Variants in KIF11 observed in about 807,000 individuals in gnomAD.
The protein encoded by KIF11 is kinesin-like protein KIF11.
In KIF11, 9 loss-of-function variants were observed where a neutral mutation model predicts 121.0. That is an observed-to-expected ratio of 0.07 (90% confidence interval 0.04 to 0.13). The LOEUF (loss-of-function observed/expected upper bound fraction) is 0.13, where lower values mean the gene tolerates loss of function less well. KIF11 is among the 10% of genes least tolerant of loss of function. The pLI is 1.00. For missense variants in KIF11, 846 were observed against 1,217.5 expected (o/e 0.69, Z 4.54); for synonymous variants, 408 against 421.0 (o/e 0.97, Z 0.38).
intron 16 of KIF11, among the ~76,000 whole-genome samples, chr10:92,638,761 A>G (rs900862388): frequency 6.6e-6 from 1 of 152,218 alleles, no homozygotes; most frequent in African/African-American, 2.4e-5. Context: ...TTAGCATTCA[A>G]ATTATTAATC....
intron 10 of KIF11, among the ~76,000 whole-genome samples, chr10:92,627,297 AACTG>A (rs1194188372): frequency 1.3e-5 from 2 of 152,220 alleles, no homozygotes; most frequent in Non-Finnish European, 2.9e-5. Flanking sequence ...TCATTTCTGA[AACTG>A]ACTAATACTC....
At position 92,632,593 on chromosome 10, in the gene KIF11, T is replaced by C; in HGVS notation, c.1602T>C (p.Phe534=). The C allele has an allele frequency of 6.2e-7, 1 of 1,613,756 alleles. No individual in the cohort carries two copies. The highest frequency in any genetic ancestry group is 8.5e-7 in the Non-Finnish European group (1 of 1,179,652). The change falls in exon 13 of 22, where the codon TTT becomes TTC. Residue 534 remains phenylalanine (F), a synonymous_variant. Coordinates refer to ENST00000260731, the MANE Select transcript of KIF11 (RefSeq NM_004523.4). The stretch of plus-strand genomic sequence containing the variant: ...ACAATGCAGAAGCTCAGGATATTTT[T>C]GGCAAAAACCTGAATAGTCTGTTTA... ...DQHNAEAQDI[F]GKNLNSLFNN... is the part of the protein sequence containing the mutation.
At chr10:92,642,143 T>C (rs534139473) in intron 17 of KIF11, among the ~76,000 whole-genome samples, 9 of 152,284 alleles carry the variant, frequency 5.9e-5, no homozygotes, top group African/African-American at 2.2e-4. Context: ...TTGCCATCTA[T>C]TGATTGTCTT....
intron 18 of KIF11, among the ~76,000 whole-genome samples, chr10:92,646,548 G>A (rs1159364402): frequency 6.6e-6 from 1 of 152,140 alleles, no homozygotes; most frequent in East Asian, 1.9e-4. Flanking sequence ...GATAGGAAAT[G>A]TATAATATAT....
At chr10:92,611,984 T>C (rs1449224307) in intron 6 of KIF11, among the ~76,000 whole-genome samples, 1 of 152,156 alleles carries the variant, frequency 6.6e-6, no homozygotes, top group Non-Finnish European at 1.5e-5. Context: ...CTCTGTCAAT[T>C]GTCAGTGATA....
At chr10:92,638,487 T>G (rs1029812732) in intron 16 of KIF11, among the ~76,000 whole-genome samples, 1 of 152,196 alleles carries the variant, frequency 6.6e-6, no homozygotes, top group South Asian at 2.1e-4. Flanking sequence ...ACTTTTTAGG[T>G]GTATATTCTA....
intron 1 of KIF11, among the ~76,000 whole-genome samples, chr10:92,599,908 C>T (rs1260056527): frequency 1.3e-5 from 2 of 149,870 alleles, no homozygotes; most frequent in Non-Finnish European, 3.0e-5. Context: ...GCCTCAGCCT[C>T]CCAAAGTTCT....
chr10:92,621,003 G>T (rs1844611176), intron 9 of KIF11, among the ~76,000 whole-genome samples: 1 of 152,234 alleles, frequency 6.6e-6, no homozygotes, highest in South Asian at 2.1e-4. Flanking sequence ...GCTTTGCTTA[G>T]CTTATTTCCT....
In KIF11 at chr10:92,609,622, T is replaced by C. The variant is rs1589592110; in HGVS notation, c.698+113T>C. Reference sequence around the variant, plus strand: ...GTATGTGGGTCACGTACCTAGAGTTTGTGTTATAAGGAGGGGTCATTGGTA... The same window carrying C: ...GTATGTGGGTCACGTACCTAGAGTTCGTGTTATAAGGAGGGGTCATTGGTA... On this transcript the variant is annotated intron_variant, in intron 6 of 21. Transcript: ENST00000260731. 1.5e-5 allele frequency: 14 copies of C among 957,700 alleles called. No homozygotes were observed. The East Asian group carries it at 3.5e-4, about 24-fold the overall frequency. The allele number at this position is 957,700 out of a possible 1,614,324, so 59.3% of individuals were successfully genotyped here. A position where few individuals can be genotyped will look rare whatever the true frequency, so the allele number is the denominator to read the frequency against.
At chr10:92,612,628 G>T (rs985427056) in intron 6 of KIF11, among the ~76,000 whole-genome samples, 10 of 152,202 alleles carry the variant, frequency 6.6e-5, no homozygotes, top group Non-Finnish European at 4.4e-5. Context: ...ACATGGATGG[G>T]AAGGTGGAAG....
intron 17 of KIF11, among the ~76,000 whole-genome samples, chr10:92,644,817 T>C (rs1269634968): frequency 6.6e-6 from 1 of 152,244 alleles, no homozygotes; most frequent in Non-Finnish European, 1.5e-5. Flanking sequence ...GAATTTTAAA[T>C]GTATGTCTAA....
intron 21 of KIF11, among the ~76,000 whole-genome samples, chr10:92,651,359 G>C (rs1248117124): frequency 2.1e-5 from 3 of 143,308 alleles, no homozygotes; most frequent in Non-Finnish European, 4.5e-5. Context: ...TTTTGAGACG[G>C]AGCTTCGCTC....
At chr10:92,647,183 A>G (rs1317941628) in intron 18 of KIF11, among the ~76,000 whole-genome samples, 4 of 152,212 alleles carry the variant, frequency 2.6e-5, no homozygotes, top group Admixed American at 2.0e-4. Context: ...GTAGAAAATA[A>G]AGCATAGAAA....
intron 1 of KIF11, 81 bp from the exon 2 acceptor site, chr10:92,606,184 G>A: frequency 1.4e-6 from 2 of 1,382,882 alleles, no homozygotes; most frequent in South Asian, 3.3e-5. Context: ...CATTTTTCTT[G>A]ACAAATGTAG....
At chr10:92,609,550 T>G in intron 6 of KIF11, 41 bp downstream of exon 6, 1 of 1,561,680 alleles carries the variant, frequency 6.4e-7, no homozygotes. Flanking sequence ...CATTTTCTTT[T>G]AAGAAGAATT....
chr10:92,633,893 T>C (rs1473322796), intron 14 of KIF11, 98 bp downstream of exon 14: 1 of 754,928 alleles, frequency 1.3e-6, no homozygotes, highest in Non-Finnish European at 2.2e-6. Context: ...TTATAAACAA[T>C]GTTAACTGCT....
intron 12 of KIF11, 46 bp downstream of exon 12, chr10:92,630,410 G>A (rs761667440): frequency 4.8e-6 from 6 of 1,243,770 alleles, no homozygotes; most frequent in African/African-American, 1.6e-5. Context: ...TAGAGAATGG[G>A]TAGAAAAAAT....
chr10:92,650,294 A>T, intron 20 of KIF11, 107 bp from the exon 21 acceptor site: 1 of 692,934 alleles, frequency 1.4e-6, no homozygotes, highest in Non-Finnish European at 2.6e-6. Flanking sequence ...TTGAGGTTTA[A>T]CTTTTATATT....
intron 21 of KIF11, among the ~76,000 whole-genome samples, chr10:92,651,521 T>C (rs1257862291): frequency 2.7e-5 from 2 of 75,258 alleles, no homozygotes; most frequent in South Asian, 4.2e-4. Context: ...TTTTTTTTTT[T>C]TTTTTTTTTT....
Sources: gnomAD v4.1 joint callset for allele counts (sites outside exome capture counted in the v4.1 genomes callset) on GRCh38, gnomAD v4.1.1 for gene constraint, MANE v1.5 for transcripts, NCBI Gene and HGNC (gene_info 2026-07-23, HGNC 2026-07-21) for gene names.